Variants in TRPC7 observed in about 807,000 individuals in gnomAD.
TRPC7 encodes the protein transient receptor potential cation channel subfamily C member 7.
A neutral mutation model predicts 90.1 loss-of-function variants in TRPC7; 42 were observed. That is an observed-to-expected ratio of 0.47 (90% confidence interval 0.36 to 0.60). TRPC7 has a LOEUF of 0.60. TRPC7 is among the 20% of genes least tolerant of loss of function. The pLI is 0.00. For synonymous variants in TRPC7, 451 were observed against 436.3 expected (o/e 1.03, Z -0.42); for missense variants, 955 against 1,112.3 (o/e 0.86, Z 2.01).
intron 3 of TRPC7, among the ~76,000 whole-genome samples, chr5:136,286,174 C>G (rs1212837549): frequency 3.9e-5 from 6 of 152,154 alleles, no homozygotes; most frequent in African/African-American, 1.4e-4. Context: ...AGCGTACCCC[C>G]ACAAGTAGGA....
chr5:136,364,050 G>A (rs1476343826), intron 1 of TRPC7, among the ~76,000 whole-genome samples: 1 of 152,126 alleles, frequency 6.6e-6, no homozygotes, highest in Non-Finnish European at 1.5e-5. Context: ...TACTGAGAAA[G>A]AAAGAGAGGC....
chr5:136,297,704 T>C (rs925678134), intron 3 of TRPC7, among the ~76,000 whole-genome samples: 19 of 152,196 alleles, frequency 1.2e-4, no homozygotes, highest in African/African-American at 4.6e-4. Context: ...TTTTAGTTGT[T>C]GTTTTTAAGT....
chr5:136,269,542 T>G (rs537365038), intron 4 of TRPC7, among the ~76,000 whole-genome samples: 2 of 152,212 alleles, frequency 1.3e-5, no homozygotes, highest in South Asian at 4.1e-4. Flanking sequence ...AGAAAAGGTT[T>G]CCAGCATCTT....
intron 6 of TRPC7, among the ~76,000 whole-genome samples, chr5:136,249,291 A>G (rs1756446239): frequency 6.6e-6 from 1 of 152,374 alleles, no homozygotes; most frequent in South Asian, 2.1e-4. Flanking sequence ...GAGAGCAGTA[A>G]GAAACCTTTA....
In TRPC7 at chr5:136,219,859, G is replaced by T. The variant is rs576738654; in HGVS notation, c.2344-3584C>A. On this transcript the variant is annotated intron_variant, in intron 10 of 11. Transcript: ENST00000513104. Reference sequence around the variant, plus strand: ...CTTGGTATCTGCAAAAACCAGTTTTGCCACCAGAAAGCCTGAAATGGTTGG... The same window carrying T: ...CTTGGTATCTGCAAAAACCAGTTTTTCCACCAGAAAGCCTGAAATGGTTGG... Among the ~76,000 whole-genome samples the T allele has an allele frequency of 2.6e-5, 4 of 152,290 alleles. No individual in the cohort carries two copies. In the South Asian group the frequency reaches 8.3e-4, roughly 32 times the overall value.
chr5:136,272,742 G>A (rs1406958150), intron 4 of TRPC7, among the ~76,000 whole-genome samples: 1 of 152,076 alleles, frequency 6.6e-6, no homozygotes, highest in Non-Finnish European at 1.5e-5. Flanking sequence ...ACAGAGGTGA[G>A]GAAACCCCTG....
intron 9 of TRPC7, 66 bp from the exon 10 acceptor site, chr5:136,225,420 G>T: frequency 6.7e-7 from 1 of 1,490,770 alleles, no homozygotes; most frequent in Middle Eastern, 1.7e-4. Context: ...TACATATCTC[G>T]TAGGACTTGA....
At chr5:136,350,734 G>A (rs996923020) in intron 2 of TRPC7, among the ~76,000 whole-genome samples, 1 of 152,200 alleles carries the variant, frequency 6.6e-6, no homozygotes, top group Non-Finnish European at 1.5e-5. Context: ...GGAAAGGCAT[G>A]CACACTTTGA....
intron 4 of TRPC7, among the ~76,000 whole-genome samples, 173 bp downstream of exon 4, chr5:136,274,500 C>T (rs984875378): frequency 1.3e-5 from 2 of 151,984 alleles, no homozygotes; most frequent in Non-Finnish European, 2.9e-5. Flanking sequence ...TAAAAAAGCA[C>T]GTCTTAACAT....
intron 3 of TRPC7, among the ~76,000 whole-genome samples, chr5:136,290,410 G>A (rs1284351014): frequency 2.0e-5 from 3 of 152,160 alleles, no homozygotes; most frequent in South Asian, 2.1e-4. Context: ...TCAGACGAAT[G>A]GATAACTAGA....
At chr5:136,333,664 T>C (rs1436140264) in intron 2 of TRPC7, among the ~76,000 whole-genome samples, 1 of 152,060 alleles carries the variant, frequency 6.6e-6, no homozygotes, top group East Asian at 1.9e-4. Flanking sequence ...TCAAGCGCAG[T>C]GGTGGTAAGG....
In TRPC7 at chr5:136,241,505, G is replaced by A. The variant is rs563489857; in HGVS notation, c.1844+5966C>T. ...TCCGGCCCCTCCTATTCTCTGTGTA[G>A]CTGTCCCATCACAGTCACCAGCTAG... On this transcript the variant is annotated intron_variant, in intron 7 of 11. Coordinates refer to ENST00000513104, the MANE Select transcript of TRPC7 (RefSeq NM_020389.3). 5.9e-4 allele frequency among the ~76,000 whole-genome samples: 89 copies of A among 151,730 alleles called. 1 individual carries two copies. In the South Asian group the frequency reaches 0.018, roughly 30 times the overall value.
At chr5:136,312,972 CTTTTTT>C (rs34840823) in intron 3 of TRPC7, among the ~76,000 whole-genome samples, 4 of 97,050 alleles carry the variant, frequency 4.1e-5, no homozygotes, top group Admixed American at 1.3e-4. Context: ...AGTAGTGATT[CTTTTTT>C]TTTTTTTTTT....
intron 4 of TRPC7, 107 bp downstream of exon 4, chr5:136,274,565 TA>T: frequency 8.2e-7 from 1 of 1,218,760 alleles, no homozygotes; most frequent in Middle Eastern, 2.0e-4. Context: ...ATATTTTCTT[TA>T]AATATGGGAA....
intron 2 of TRPC7, among the ~76,000 whole-genome samples, chr5:136,335,206 C>T (rs1043207623): frequency 6.6e-6 from 1 of 152,234 alleles, no homozygotes; most frequent in South Asian, 2.1e-4. Context: ...CTTTTACCTC[C>T]AACCTCAAAC....
intron 3 of TRPC7, among the ~76,000 whole-genome samples, chr5:136,280,992 G>C (rs568854422): frequency 6.6e-6 from 1 of 152,176 alleles, no homozygotes; most frequent in Non-Finnish European, 1.5e-5. Flanking sequence ...ACCCAGGCCA[G>C]TTTGACATCA....
At chr5:136,280,975 G>A (rs1001616550) in intron 3 of TRPC7, among the ~76,000 whole-genome samples, 5 of 152,188 alleles carry the variant, frequency 3.3e-5, no homozygotes, top group Non-Finnish European at 7.3e-5. Flanking sequence ...ACAGGGCCTG[G>A]ACTGGAACCC....
chr5:136,353,847 A>G (rs1760276624), intron 2 of TRPC7, among the ~76,000 whole-genome samples: 1 of 152,230 alleles, frequency 6.6e-6, no homozygotes, highest in Admixed American at 6.5e-5. Context: ...ATTGTCCACA[A>G]TTTTCATATT....
chr5:136,270,816 G>T (rs1321173207), intron 4 of TRPC7, among the ~76,000 whole-genome samples: 1 of 152,232 alleles, frequency 6.6e-6, no homozygotes, highest in East Asian at 1.9e-4. Context: ...GGTGACAGGT[G>T]CTGGACTAGC....
Sources: gnomAD v4.1 joint callset for allele counts (sites outside exome capture counted in the v4.1 genomes callset) on GRCh38, gnomAD v4.1.1 for gene constraint, MANE v1.5 for transcripts, NCBI Gene and HGNC (gene_info 2026-07-23, HGNC 2026-07-21) for gene names.